The following TRAFD1 variants were observed in gnomAD, a reference collection of about 807,000 sequenced individuals.
The protein encoded by TRAFD1 is TRAF-type zinc finger domain-containing protein 1.
In TRAFD1, 38 loss-of-function variants were observed where a neutral mutation model predicts 65.3. The ratio of observed to expected loss-of-function variants is 0.58; its 90% CI spans 0.45 to 0.76. TRAFD1 has a LOEUF of 0.76. Among genes scored for constraint, TRAFD1 ranks in the 30% least tolerant of loss-of-function variants. The pLI is 0.00. For missense variants in TRAFD1, 631 were observed against 712.6 expected (o/e 0.89, Z 1.30); for synonymous variants, 223 against 257.2 (o/e 0.87, Z 1.27).
intron 2 of TRAFD1, among the ~76,000 whole-genome samples, chr12:112,134,361 T>G (rs1259753319): frequency 6.7e-6 from 1 of 149,808 alleles, no homozygotes; most frequent in Non-Finnish European, 1.5e-5. Context: ...GTTCAAGCGA[T>G]TCTCCTGCCT....
Position 112,152,940 on chromosome 12 carries a change from GGTT to G in TRAFD1, c.*152_*154del, listed in dbSNP as rs2030451093. 1.1e-6 allele frequency: 1 copy of G among 872,172 alleles called. No homozygotes were observed. Among genetic ancestry groups the G allele is most frequent in the South Asian group, 1.8e-5 (1 of 56,038 alleles). The allele number at this position is 872,172 out of a possible 1,614,324, so 54.0% of individuals were successfully genotyped here. ...GTTATGGCCATTTTGTGTCTTTTGA[GGTT>G]GTGCTGTGGGGGTTTGGGTTTGAGG... is the stretch of plus-strand genomic sequence containing the variant. On this transcript the variant is annotated 3_prime_UTR_variant, in exon 12 of 12. Coordinates refer to ENST00000412615, the MANE Select transcript of TRAFD1 (RefSeq NM_006700.3). This position sits in a 1 kb window ranked among gnomAD's most constrained non-coding sequence, Gnocchi z 5.0.
intron 1 of TRAFD1, chr12:112,125,871 G>T (rs1045347839): frequency 2.0e-5 from 3 of 152,404 alleles, no homozygotes; most frequent in South Asian, 2.1e-4. Flanking sequence ...GGTGAGCCGG[G>T]AAGCGGGCGT....
At position 112,135,003 on chromosome 12, in the gene TRAFD1, C is replaced by T; in HGVS notation, c.184-10C>T. On this transcript the variant is annotated splice_polypyrimidine_tract_variant and intron_variant, in intron 3 of 11. Coordinates refer to ENST00000412615, the MANE Select transcript of TRAFD1 (RefSeq NM_006700.3). The stretch of plus-strand genomic sequence containing the variant: ...AAAGCCAATTTACTGATTCTCACTT[C>T]TTACTCTAGGTGACCTGCAAATGTA... 1 of 1,614,194 alleles carries T rather than the reference C, an allele frequency of 6.2e-7. No individual in the cohort carries two copies. Among genetic ancestry groups the T allele is most frequent in the South Asian group, 1.1e-5 (1 of 91,058 alleles).
Position 112,130,548 on chromosome 12 carries a change from A to G in TRAFD1, c.26A>G (p.Glu9Gly). The G allele has an allele frequency of 1.2e-6, 2 of 1,613,198 alleles. No homozygotes were observed. The highest frequency in any genetic ancestry group is 1.7e-6 in the Non-Finnish European group (2 of 1,179,512). The change falls in exon 2 of 12, where the codon GAA becomes GGA. Residue 9 changes from glutamate (E) to glycine (G), a missense_variant. Glu to Gly is a moderately conservative substitution (Grantham distance 98, BLOSUM62 -2). Transcript: ENST00000412615. This position sits in a 1 kb window ranked among gnomAD's most constrained non-coding sequence, Gnocchi z 4.4. ...ATGGCTGAATTTCTAGATGACCAGG[A>G]AACTCGACTGTGTGACAACTGGTAA... is the stretch of plus-strand genomic sequence containing the variant. MAEFLDDQETRLCDNCKKE... is the reference protein window; with the variant it reads MAEFLDDQGTRLCDNCKKE...
chr12:112,147,053 G>A (rs375720165), intron 7 of TRAFD1, among the ~76,000 whole-genome samples: 6 of 137,814 alleles, frequency 4.4e-5, no homozygotes, highest in African/African-American at 8.2e-5. Context: ...AGGCTGGAGC[G>A]CAGTGACGCG....
intron 1 of TRAFD1, among the ~76,000 whole-genome samples, chr12:112,127,921 T>A (rs535592943): frequency 1.6e-4 from 25 of 151,646 alleles, no homozygotes; most frequent in African/African-American, 6.1e-4. Context: ...CTGGCTGGCC[T>A]TGAACTCCTG....
At chr12:112,135,184 T>G in intron 4 of TRAFD1, 118 bp downstream of exon 4, 1 of 1,198,652 alleles carries the variant, frequency 8.3e-7, no homozygotes, top group Non-Finnish European at 1.2e-6. Flanking sequence ...ATGCATACTG[T>G]TTCTCAAAGC....
chr12:112,145,596 C>A lies in TRAFD1; in HGVS notation c.861C>A (p.Asp287Glu). Residue 287 changes from aspartate (D) to glutamate (E), a missense_variant, in exon 7 of 12, where the codon GAC becomes GAA. Coordinates refer to ENST00000412615, the MANE Select transcript of TRAFD1 (RefSeq NM_006700.3). The stretch of plus-strand genomic sequence containing the variant: ...TGGCCTAATACCTAGGTGCAGCTGA[C>A]GAGATCATGTTGCCTTGTGAATTTT... ...RSLSDIKGAA[D>E]EIMLPCEFCE... 6.2e-7 allele frequency: 1 copy of A among 1,614,066 alleles called. No individual in the cohort carries two copies. The highest frequency in any genetic ancestry group is 1.1e-5 in the South Asian group (1 of 91,064).
At chr12:112,140,722 G>C (rs1162999716) in intron 4 of TRAFD1, 97 bp from the exon 5 acceptor site, 1 of 1,404,812 alleles carries the variant, frequency 7.1e-7, no homozygotes, top group Admixed American at 2.1e-5. Context: ...GGTTGGAAGA[G>C]AAGATTGCAG....
intron 4 of TRAFD1, among the ~76,000 whole-genome samples, chr12:112,135,313 G>T (rs1471167727): frequency 6.6e-6 from 1 of 152,222 alleles, no homozygotes; most frequent in Non-Finnish European, 1.5e-5. Flanking sequence ...TATTATTTCT[G>T]TTGGGGTTTG....
At chr12:112,128,951 G>A (rs550919287) in intron 1 of TRAFD1, among the ~76,000 whole-genome samples, 3 of 149,860 alleles carry the variant, frequency 2.0e-5, no homozygotes, top group African/African-American at 7.4e-5. Flanking sequence ...TGAGGTCGAG[G>A]TTGCAGTGAG....
intron 2 of TRAFD1, among the ~76,000 whole-genome samples, chr12:112,133,618 T>C (rs2079576816): frequency 6.6e-6 from 1 of 152,172 alleles, no homozygotes; most frequent in Non-Finnish European, 1.5e-5. Flanking sequence ...AGCTCTGACT[T>C]TGAGAAAGTA....
At chr12:112,134,322 T>A (rs1055626978) in intron 2 of TRAFD1, among the ~76,000 whole-genome samples, 1 of 147,006 alleles carries the variant, frequency 6.8e-6, no homozygotes, top group Non-Finnish European at 1.5e-5. Context: ...TTTTTTTTTT[T>A]TTTTTTTATA....
At chr12:112,136,568 C>T (rs2029916877) in intron 4 of TRAFD1, among the ~76,000 whole-genome samples, 1 of 152,042 alleles carries the variant, frequency 6.6e-6, no homozygotes, top group Non-Finnish European at 1.5e-5. Flanking sequence ...AAGGCGTGAG[C>T]CACCATGCCC....
rs1262384345 is a variant in TRAFD1, at chr12:112,151,926, A to C, written c.1405A>C (p.Thr469Pro). The C allele has an allele frequency of 1.2e-6, 2 of 1,614,222 alleles. No individual in the cohort carries two copies. The highest frequency in any genetic ancestry group is 1.7e-6 in the Non-Finnish European group (2 of 1,180,034). Reference protein sequence around the residue: ...TATYNQLSRSTSGPRPGCQPS... With the variant: ...TATYNQLSRSPSGPRPGCQPS... ...TACCTATAACCAGCTATCGAGATCA[A>C]CATCAGGCCCCAGACCTGGGTGCCA... is the stretch of plus-strand genomic sequence containing the variant. The change falls in exon 10 of 12, where the codon ACA (threonine) becomes CCA (proline). Residue 469 changes from threonine to proline, a missense_variant. Thr to Pro is a conservative substitution (Grantham distance 38). Coordinates refer to ENST00000412615, the MANE Select transcript of TRAFD1 (RefSeq NM_006700.3).
chr12:112,142,003 C>T (rs1440861833), intron 5 of TRAFD1, 86 bp from the exon 6 acceptor site: 6 of 1,469,566 alleles, frequency 4.1e-6, no homozygotes, highest in Admixed American at 2.0e-5. Context: ...GCCTGTAAAC[C>T]TTGACTATTT....
intron 4 of TRAFD1, 83 bp from the exon 5 acceptor site, chr12:112,140,736 A>T (rs573633802): frequency 1.3e-6 from 2 of 1,499,202 alleles, no homozygotes; most frequent in East Asian, 4.5e-5. Context: ...ATTGCAGTAG[A>T]TACTCTTGGC....
In TRAFD1 at chr12:112,152,592, G is replaced by C; in HGVS notation, c.1692+93G>C. ...GAAGTTGTAGAAGTTGTTGGGACCAGGCTGGTTGTGGTTCAAAGATTGTTC... is the reference window on the plus strand; with the variant it reads ...GAAGTTGTAGAAGTTGTTGGGACCACGCTGGTTGTGGTTCAAAGATTGTTC... On this transcript the variant is annotated intron_variant, in intron 11 of 11. Coordinates refer to ENST00000412615, the MANE Select transcript of TRAFD1 (RefSeq NM_006700.3). The surrounding 1 kb of genome is among the most constrained non-coding windows in gnomAD (Gnocchi z 5.0). 1 of 1,595,338 alleles carries C rather than the reference G, an allele frequency of 6.3e-7. No homozygotes were observed. Among genetic ancestry groups the C allele is most frequent in the Non-Finnish European group, 8.6e-7 (1 of 1,166,458 alleles).
At chr12:112,149,550 A>C in intron 8 of TRAFD1, 1 of 562,170 alleles carries the variant, frequency 1.8e-6, no homozygotes, top group Non-Finnish European at 3.1e-6. Context: ...ACAAATCAGA[A>C]AGTGTTTCTG....
Sources: gnomAD v4.1 joint callset for allele counts (sites outside exome capture counted in the v4.1 genomes callset) on GRCh38, gnomAD v4.1.1 for gene constraint, Gnocchi (gnomAD v3.1) non-coding constraint, MANE v1.5 for transcripts, NCBI Gene and HGNC (gene_info 2026-07-23, HGNC 2026-07-21) for gene names.